SDK1: variants seen among roughly 807,000 people sequenced by gnomAD.
SDK1 encodes protein sidekick-1.
Under a neutral mutation model 245.5 loss-of-function variants are expected in SDK1, and 157 were observed. The observed-to-expected ratio is 0.64, with a 90% CI of 0.56 to 0.73. The LOEUF is 0.73. Among genes scored for constraint, SDK1 ranks in the 30% least tolerant of loss-of-function variants. SDK1 has a pLI of 0.00. For missense variants in SDK1, 3,583 were observed against 3,002.3 expected, an observed-to-expected ratio of 1.19 and a Z score of -4.52; for synonymous variants, 1,647 against 1,278.5, an observed-to-expected ratio of 1.29 and a Z score of -6.15.
At chr7:4,256,692 T>G (rs2128242255) in intron 44 of SDK1, among the ~76,000 whole-genome samples, 1 of 152,340 alleles carries the variant, frequency 6.6e-6, no homozygotes, top group Non-Finnish European at 1.5e-5. Flanking sequence ...AAGCCAGTGT[T>G]TTGACACAGC....
chr7:4,268,430 G>T lies in SDK1; in HGVS notation c.*3046G>T. The T allele has an allele frequency of 9.0e-7, 1 of 1,109,824 alleles. No individual in the cohort carries two copies. The highest frequency in any genetic ancestry group is 4.4e-5 in the Admixed American group (1 of 22,970). 68.7% of individuals were successfully genotyped at this position (1,109,824 alleles called of 1,614,324 possible). A position where few individuals can be genotyped will look rare whatever the true frequency, so the allele number is the denominator to read the frequency against. On this transcript the variant is annotated 3_prime_UTR_variant, in exon 45 of 45. Transcript: ENST00000404826. ...GCCCCTCTCCCCAGCCTCGCCTTCA[G>T]CCTCTCTCCCAGCCTGCTTTTATAA... is the stretch of plus-strand genomic sequence containing the variant.
At chr7:4,017,699 T>C (rs907710186) in intron 17 of SDK1, among the ~76,000 whole-genome samples, 18 of 152,204 alleles carry the variant, frequency 1.2e-4, no homozygotes, top group African/African-American at 4.3e-4. Context: ...TGGAGTTCTG[T>C]GTGATACTGT....
chr7:4,117,040 A>G (rs1783760578), intron 25 of SDK1, among the ~76,000 whole-genome samples: 4 of 152,256 alleles, frequency 2.6e-5, no homozygotes. Flanking sequence ...TCTTTGTGAC[A>G]AAGGAGAGAA....
At chr7:3,702,755 A>G (rs1311195386) in intron 4 of SDK1, among the ~76,000 whole-genome samples, 1 of 152,218 alleles carries the variant, frequency 6.6e-6, no homozygotes, top group Non-Finnish European at 1.5e-5. Context: ...AATAAATTAG[A>G]AAGATGGTTC....
chr7:4,210,247 C>T (rs1056342052), intron 38 of SDK1, 85 bp downstream of exon 38: 24 of 1,279,844 alleles, frequency 1.9e-5, no homozygotes, highest in South Asian at 4.6e-5. Flanking sequence ...CGCACCTGAC[C>T]GCTTCTGTGG....
intron 1 of SDK1, among the ~76,000 whole-genome samples, chr7:3,494,359 T>G (rs1459591169): frequency 6.6e-6 from 1 of 152,192 alleles, no homozygotes; most frequent in African/African-American, 2.4e-5. Flanking sequence ...TGAAGAAATT[T>G]TAGTCTTGGG....
intron 1 of SDK1, among the ~76,000 whole-genome samples, chr7:3,471,482 G>A (rs1234486819): frequency 6.6e-6 from 1 of 152,108 alleles, no homozygotes; most frequent in Admixed American, 6.5e-5. Context: ...TCAAACTACA[G>A]GTACTTAAAA....
intron 1 of SDK1, among the ~76,000 whole-genome samples, chr7:3,383,467 G>C (rs1039533327): frequency 1.3e-5 from 2 of 152,090 alleles, no homozygotes; most frequent in Non-Finnish European, 2.9e-5. Context: ...TTCAATAAAA[G>C]GATAAAAAGA....
At position 3,796,346 on chromosome 7, in the gene SDK1, A is replaced by G. The variant is rs996705188; in HGVS notation, c.714-25104A>G. Reference sequence around the variant, plus strand: ...GGAGAGGTTTCTTTGGCTGTGAAAAAGAATTTCTTAATCAGGAAGGTAAAG... The same window carrying G: ...GGAGAGGTTTCTTTGGCTGTGAAAAGGAATTTCTTAATCAGGAAGGTAAAG... On this transcript the variant is annotated intron_variant, in intron 4 of 44. Coordinates refer to ENST00000404826, the MANE Select transcript of SDK1 (RefSeq NM_152744.4). 2.0e-5 allele frequency among the ~76,000 whole-genome samples: 3 copies of G among 152,250 alleles called. 1 individual carries two copies. Among genetic ancestry groups the G allele is most frequent in the East Asian group, 1.9e-4 (1 of 5,200 alleles).
At chr7:3,604,018 C>T (rs536093057) in intron 1 of SDK1, among the ~76,000 whole-genome samples, 1 of 152,266 alleles carries the variant, frequency 6.6e-6, no homozygotes, top group East Asian at 1.9e-4. Context: ...AGCCTTGCAT[C>T]CCAGGGATGA....
chr7:3,896,124 A>C (rs542313289), intron 5 of SDK1, among the ~76,000 whole-genome samples: 5 of 152,334 alleles, frequency 3.3e-5, no homozygotes, highest in South Asian at 4.1e-4. Context: ...TCTTCTGTTT[A>C]CTGATTTTCT....
chr7:3,687,818 G>GT lies in SDK1; in HGVS notation c.713+45714dup, dbSNP rs368427467. On this transcript the variant is annotated intron_variant, in intron 4 of 44. Coordinates refer to ENST00000404826, the MANE Select transcript of SDK1 (RefSeq NM_152744.4). ...TGTGTGTCTTGACTGTGTTAATGTC[G>GT]TATCCTGCTCACAGTGCTGTTCTAT... Among the ~76,000 whole-genome samples, 345 of 152,220 alleles carry GT rather than the reference G, an allele frequency of 2.3e-3. 2 individuals carry two copies. The highest frequency in any genetic ancestry group is 8.0e-3 in the African/African-American group (331 of 41,546).
intron 5 of SDK1, among the ~76,000 whole-genome samples, chr7:3,915,803 C>T (rs1779355383): frequency 6.6e-6 from 1 of 152,158 alleles, no homozygotes; most frequent in Non-Finnish European, 1.5e-5. Flanking sequence ...CACGTCCTAG[C>T]CACCTTCCAC....
In SDK1 at chr7:3,618,353, T is replaced by C. The variant is rs546852629; in HGVS notation, c.299-727T>C. ...CCCTTATCCTTAACCTCTGACACCA[T>C]AGATTAGTTTTATCTGGCTGTGAAC... On this transcript the variant is annotated intron_variant, in intron 1 of 44. Coordinates refer to ENST00000404826, the MANE Select transcript of SDK1 (RefSeq NM_152744.4). Among the ~76,000 whole-genome samples the C allele has an allele frequency of 6.6e-5, 10 of 152,306 alleles. No individual in the cohort carries two copies. In the South Asian group the frequency reaches 1.9e-3, roughly 28 times the overall value.
chr7:4,136,040 C>A (rs1171289885), intron 28 of SDK1, among the ~76,000 whole-genome samples: 1 of 152,166 alleles, frequency 6.6e-6, no homozygotes, highest in Non-Finnish European at 1.5e-5. Context: ...AGGTATGGAT[C>A]TTGATTTGTG....
At chr7:3,305,005 G>A (rs930625613) in intron 1 of SDK1, among the ~76,000 whole-genome samples, 3 of 152,138 alleles carry the variant, frequency 2.0e-5, no homozygotes, top group Non-Finnish European at 4.4e-5. Context: ...AGGCCACATG[G>A]CTTGATTTCC....
intron 14 of SDK1, among the ~76,000 whole-genome samples, chr7:3,988,879 C>A (rs928650764): frequency 6.6e-6 from 1 of 152,170 alleles, no homozygotes; most frequent in Non-Finnish European, 1.5e-5. Flanking sequence ...TCAAGCGATT[C>A]TTCTGCCTCA....
At chr7:3,789,268 C>G (rs1350105455) in intron 4 of SDK1, among the ~76,000 whole-genome samples, 1 of 152,186 alleles carries the variant, frequency 6.6e-6, no homozygotes, top group Non-Finnish European at 1.5e-5. Context: ...CTGCCTCAGC[C>G]TCCCAAGTAG....
At chr7:3,528,668 G>C in intron 1 of SDK1, among the ~76,000 whole-genome samples, 1 of 152,092 alleles carries the variant, frequency 6.6e-6, no homozygotes, top group East Asian at 1.9e-4. Context: ...CCCTGAAAAT[G>C]GTGAGAAGTG....
Sources: allele counts gnomAD v4.1 joint callset (sites outside exome capture counted in the v4.1 genomes callset), GRCh38; gene constraint gnomAD v4.1.1; transcripts MANE v1.5; gene names NCBI Gene and HGNC (gene_info 2026-07-23, HGNC 2026-07-21).